The following PGM1 variants were observed in gnomAD, a reference collection of about 807,000 sequenced individuals.
PGM1 encodes phosphoglucomutase-1.
Under a neutral mutation model 55.6 loss-of-function variants are expected in PGM1, and 52 were observed. That is an observed-to-expected ratio of 0.94 (90% CI 0.75 to 1.18). The LOEUF is 1.18. PGM1 is among the 50% of genes most tolerant of loss of function. The probability of loss-of-function intolerance (pLI) is 0.00; values close to 1 mark genes in which losing one functional copy is unlikely to be tolerated. For synonymous variants in PGM1, 287 were observed against 271.7 expected (o/e 1.06, Z -0.55); for missense variants, 724 against 729.3 (o/e 0.99, Z 0.08).
At chr1:63,606,454 T>C (rs1296813393) in intron 1 of PGM1, among the ~76,000 whole-genome samples, 1 of 152,188 alleles carries the variant, frequency 6.6e-6, no homozygotes, top group Non-Finnish European at 1.5e-5. Flanking sequence ...CCCCTTTTCT[T>C]CTGTTGTGCA....
At chr1:63,654,216 T>C in intron 9 of PGM1, 116 bp from the exon 10 acceptor site, 1 of 1,046,244 alleles carries the variant, frequency 9.6e-7, no homozygotes, top group Non-Finnish European at 1.5e-6. Context: ...ATCAAGGATT[T>C]AACCCTCCAA....
At chr1:63,640,104 G>A (rs2284997) in intron 7 of PGM1, among the ~76,000 whole-genome samples, 98,703 of 152,082 alleles carry the variant, frequency 0.65, 33,816 homozygotes, top group African/African-American at 0.88. Context: ...TACTACATGA[G>A]TGCCCAATGA....
At chr1:63,618,037 A>G (rs960898050) in intron 1 of PGM1, among the ~76,000 whole-genome samples, 1 of 152,218 alleles carries the variant, frequency 6.6e-6, no homozygotes, top group African/African-American at 2.4e-5. Context: ...AGATCCTTGT[A>G]CAGGGCATAC....
At chr1:63,654,292 C>G in intron 9 of PGM1, 40 bp from the exon 10 acceptor site, 1 of 1,610,766 alleles carries the variant, frequency 6.2e-7, no homozygotes, top group Non-Finnish European at 8.5e-7. Flanking sequence ...CTTCAGTCTC[C>G]CAGCATTTGG....
chr1:63,610,601 A>G (rs1187287508), intron 1 of PGM1, among the ~76,000 whole-genome samples: 1 of 152,174 alleles, frequency 6.6e-6, no homozygotes, highest in Non-Finnish European at 1.5e-5. Context: ...TTGATGGGAA[A>G]TACAGACACT....
chr1:63,615,665 C>T (rs1204048329), intron 1 of PGM1, among the ~76,000 whole-genome samples: 1 of 147,978 alleles, frequency 6.8e-6, no homozygotes, highest in African/African-American at 2.5e-5. Context: ...CGGGTTCCAG[C>T]GATTCTCCTG....
At chr1:63,632,734 C>T (rs2269250) in intron 4 of PGM1, among the ~76,000 whole-genome samples, 38,070 of 152,060 alleles carry the variant, frequency 0.25, 4,966 homozygotes, top group Middle Eastern at 0.35. Flanking sequence ...ACCCCGGGGT[C>T]GGGCGCGGTG....
intron 1 of PGM1, among the ~76,000 whole-genome samples, chr1:63,615,752 G>C (rs764318537): frequency 3.3e-5 from 5 of 151,226 alleles, no homozygotes; most frequent in Non-Finnish European, 2.9e-5. Flanking sequence ...GTAGAGACGG[G>C]GTTTTACCAT....
intron 1 of PGM1, among the ~76,000 whole-genome samples, chr1:63,625,576 G>A (rs1648995056): frequency 6.6e-6 from 1 of 152,186 alleles, no homozygotes; most frequent in Non-Finnish European, 1.5e-5. Context: ...CTGCAGGGAG[G>A]AAATCTAAAG....
intron 9 of PGM1, among the ~76,000 whole-genome samples, 187 bp from the exon 10 acceptor site, chr1:63,654,145 A>G (rs1167149435): frequency 2.6e-5 from 4 of 152,276 alleles, no homozygotes; most frequent in African/African-American, 9.6e-5. Flanking sequence ...CTAAGCCCCC[A>G]TCAGCTGGAT....
At chr1:63,639,133 T>G (rs1457949590) in intron 7 of PGM1, among the ~76,000 whole-genome samples, 1 of 152,182 alleles carries the variant, frequency 6.6e-6, no homozygotes, top group Non-Finnish European at 1.5e-5. Context: ...CCTTTATAAA[T>G]GTTTTCATTT....
chr1:63,594,181 A>G (rs1286740079), intron 1 of PGM1: 13 of 946,234 alleles, frequency 1.4e-5, no homozygotes, highest in Middle Eastern at 1.1e-3. Flanking sequence ...GCCCCCTCGC[A>G]TCCCGCCCGC....
At chr1:63,652,131 T>A (rs1300802980) in intron 9 of PGM1, among the ~76,000 whole-genome samples, 1 of 152,180 alleles carries the variant, frequency 6.6e-6, no homozygotes, top group African/African-American at 2.4e-5. Flanking sequence ...TGGAATGATA[T>A]GCAAGATGAT....
intron 1 of PGM1, among the ~76,000 whole-genome samples, chr1:63,614,609 T>C (rs376688548): frequency 2.6e-4 from 40 of 152,344 alleles, no homozygotes; most frequent in African/African-American, 9.4e-4. Context: ...ACAGACTGCG[T>C]ATGACCTGGT....
intron 8 of PGM1, among the ~76,000 whole-genome samples, chr1:63,651,039 G>A (rs538639235): frequency 6.6e-6 from 1 of 151,730 alleles, no homozygotes; most frequent in Non-Finnish European, 1.5e-5. Flanking sequence ...AAACCTGCAC[G>A]TTCTGCACAT....
chr1:63,630,250 G>T (rs1649159140), intron 3 of PGM1, among the ~76,000 whole-genome samples, 162 bp downstream of exon 3: 1 of 152,094 alleles, frequency 6.6e-6, no homozygotes, highest in South Asian at 2.1e-4. Flanking sequence ...ATTAGGTTTG[G>T]GAGACCAGAG....
chr1:63,623,868 A>G, intron 1 of PGM1: 1 of 694,422 alleles, frequency 1.4e-6, no homozygotes, highest in Non-Finnish European at 2.4e-6. Flanking sequence ...CTTCAATTCT[A>G]CTAACATCCA....
At position 63,593,736 on chromosome 1, in the gene PGM1, T is replaced by C; in HGVS notation, c.246+2T>C. ...GCTCGCATCGCTGCCGCCAACGGGG[T>C]AAGGGATGCGCGGCCCCGCGCCGCT... is the stretch of plus-strand genomic sequence containing the variant. On this transcript the variant is annotated splice_donor_variant, in intron 1 of 10. Transcript: ENST00000371084. LOFTEE classifies it high-confidence loss of function. 4 of 1,592,068 alleles carry C rather than the reference T, an allele frequency of 2.5e-6. No homozygotes were observed. The highest frequency in any genetic ancestry group is 3.4e-6 in the Non-Finnish European group (4 of 1,173,868).
chr1:63,655,399 T>C (rs1345054274), intron 10 of PGM1, among the ~76,000 whole-genome samples: 1 of 152,180 alleles, frequency 6.6e-6, no homozygotes, highest in African/African-American at 2.4e-5. Context: ...GTCTTAGATT[T>C]GGTGGGGGCA....
Sources: gnomAD v4.1 joint callset for allele counts (sites outside exome capture counted in the v4.1 genomes callset) on GRCh38, gnomAD v4.1.1 for gene constraint, MANE v1.5 for transcripts, NCBI Gene and HGNC (gene_info 2026-07-23, HGNC 2026-07-21) for gene names.